RAB38: variants seen among roughly 807,000 people sequenced by gnomAD.
The protein encoded by RAB38 is RAB38, member RAS oncogene family, also known as ras-related protein Rab-38.
Under a neutral mutation model 18.4 loss-of-function variants are expected in RAB38, and 15 were observed. The ratio of observed to expected loss-of-function variants is 0.82; its 90% CI spans 0.55 to 1.26. RAB38 has a LOEUF of 1.26. Ranked by LOEUF, RAB38 falls within the 50% of genes most tolerant of loss-of-function variation. RAB38 has a pLI of 0.00. For synonymous variants in RAB38, 101 were observed against 104.4 expected (o/e 0.97, Z 0.20); for missense variants, 294 against 267.4 (o/e 1.10, Z -0.69).
At chr11:87,964,603 A>G in the RAB38 span, among the ~76,000 whole-genome samples, 1 of 152,108 alleles carries the variant, frequency 6.6e-6, no homozygotes, top group African/African-American at 2.4e-5. Flanking sequence ...AATTGAGCCT[A>G]TTTAACAACC....
the RAB38 span, among the ~76,000 whole-genome samples, chr11:88,004,023 C>G: frequency 1.5e-5 from 2 of 136,382 alleles, no homozygotes; most frequent in Non-Finnish European, 3.1e-5. Context: ...TGTACCTTCT[C>G]TTCTATTTTA....
At chr11:87,837,405 G>A in the RAB38 span, among the ~76,000 whole-genome samples, 1 of 152,072 alleles carries the variant, frequency 6.6e-6, no homozygotes, top group East Asian at 1.9e-4. Context: ...TCCAGAAGAG[G>A]CATCAAGTTT....
the RAB38 span, among the ~76,000 whole-genome samples, chr11:88,074,519 C>A: frequency 6.6e-6 from 1 of 151,842 alleles, no homozygotes; most frequent in East Asian, 1.9e-4. Flanking sequence ...TTTTGTAAGC[C>A]TCATAGTAAC....
chr11:88,045,474 G>A, the RAB38 span, among the ~76,000 whole-genome samples: 11 of 152,318 alleles, frequency 7.2e-5, no homozygotes, highest in South Asian at 2.3e-3. Flanking sequence ...ACAAGTGCCG[G>A]AAATCTGGCC....
At chr11:87,966,309 C>A in the RAB38 span, among the ~76,000 whole-genome samples, 2 of 152,028 alleles carry the variant, frequency 1.3e-5, no homozygotes, top group African/African-American at 2.4e-5. Flanking sequence ...AAGTCTGAAA[C>A]TATTATATTT....
the RAB38 span, among the ~76,000 whole-genome samples, chr11:87,890,239 T>A: frequency 2.6e-5 from 4 of 151,910 alleles, no homozygotes; most frequent in Non-Finnish European, 5.9e-5. Flanking sequence ...CTATTTATAA[T>A]ATGTATAAAG....
the RAB38 span, among the ~76,000 whole-genome samples, chr11:88,021,042 T>A: frequency 2.0e-5 from 3 of 151,846 alleles, no homozygotes; most frequent in South Asian, 6.2e-4. Context: ...CTTAAAGAAC[T>A]AGAAAACCAA....
chr11:87,906,249 G>A, the RAB38 span, among the ~76,000 whole-genome samples: 11 of 151,936 alleles, frequency 7.2e-5, no homozygotes, highest in Non-Finnish European at 1.6e-4. Flanking sequence ...GCTTCAAGAA[G>A]ACAGTCAATT....
At chr11:88,136,111 C>T (rs1942831337) in intron 2 of RAB38, among the ~76,000 whole-genome samples, 1 of 152,168 alleles carries the variant, frequency 6.6e-6, no homozygotes, top group African/African-American at 2.4e-5. Flanking sequence ...AGGGCTATTC[C>T]ATCACTTTAG....
chr11:87,972,722 GA>G, the RAB38 span, among the ~76,000 whole-genome samples: 3 of 151,936 alleles, frequency 2.0e-5, no homozygotes, highest in African/African-American at 7.3e-5. Context: ...CTATATATTT[GA>G]GGTAACCTCT....
chr11:87,905,406 C>A, the RAB38 span, among the ~76,000 whole-genome samples: 159 of 151,722 alleles, frequency 1.0e-3, 1 homozygote, highest in South Asian at 7.1e-3. Context: ...TGTGTCTTTG[C>A]GTGTCTACTC....
At chr11:87,976,045 G>A in the RAB38 span, among the ~76,000 whole-genome samples, 2 of 150,854 alleles carry the variant, frequency 1.3e-5, no homozygotes, top group African/African-American at 2.4e-5. Flanking sequence ...CGCTATTGCT[G>A]TGAAAGAAAT....
At chr11:87,893,371 C>CAT in the RAB38 span, among the ~76,000 whole-genome samples, 9 of 86,416 alleles carry the variant, frequency 1.0e-4, no homozygotes, top group Middle Eastern at 7.7e-3. Context: ...ATATATTTTA[C>CAT]ATATATATAT....
At chr11:87,976,096 A>C in the RAB38 span, among the ~76,000 whole-genome samples, 1 of 149,880 alleles carries the variant, frequency 6.7e-6, no homozygotes, top group Non-Finnish European at 1.5e-5. Context: ...AGTCTGGTAT[A>C]TGTACATATA....
the RAB38 span, among the ~76,000 whole-genome samples, chr11:88,054,969 C>CA: frequency 4.6e-3 from 695 of 151,964 alleles, 4 homozygotes; most frequent in African/African-American, 0.016. Flanking sequence ...AATATGTAGA[C>CA]AAAAAAAATC....
At chr11:87,931,859 G>A in the RAB38 span, among the ~76,000 whole-genome samples, 2 of 151,696 alleles carry the variant, frequency 1.3e-5, no homozygotes, top group African/African-American at 4.8e-5. Context: ...TCTGACTAAC[G>A]AAGCAGCACC....
the RAB38 span, among the ~76,000 whole-genome samples, chr11:88,105,285 A>G: frequency 6.6e-6 from 1 of 152,018 alleles, no homozygotes; most frequent in African/African-American, 2.4e-5. Context: ...TGGGCTGCTG[A>G]CTGTTTCACT....
chr11:87,818,629 T>C, the RAB38 span, among the ~76,000 whole-genome samples: 3 of 152,200 alleles, frequency 2.0e-5, no homozygotes, highest in Non-Finnish European at 2.9e-5. Flanking sequence ...TAGGGTCAGA[T>C]AGACTTGAAT....
intron 1 of RAB38, chr11:88,174,267 C>T (rs1372860326): frequency 5.3e-6 from 1 of 190,134 alleles, no homozygotes; most frequent in East Asian, 1.9e-4. Context: ...AGGTTGCAAA[C>T]AGCCTTGTCC....
Sources: allele counts gnomAD v4.1 joint callset (sites outside exome capture counted in the v4.1 genomes callset), GRCh38; gene constraint gnomAD v4.1.1; transcripts MANE v1.5; gene names NCBI Gene and HGNC (gene_info 2026-07-23, HGNC 2026-07-21).